SLC25A48: variants seen among roughly 807,000 people sequenced by gnomAD.
SLC25A48 encodes the protein CTC-321K16.1.
Under a neutral mutation model 32.2 loss-of-function variants are expected in SLC25A48, and 29 were observed. The ratio of observed to expected loss-of-function variants is 0.90; its 90% CI spans 0.67 to 1.23. SLC25A48 has a LOEUF of 1.23. Among genes scored for constraint, SLC25A48 ranks in the 50% most tolerant of loss-of-function variants. The pLI is 0.00. For synonymous variants in SLC25A48, 164 were observed against 172.3 expected, an observed-to-expected ratio of 0.95 and a Z score of 0.38; for missense variants, 399 against 422.7, an observed-to-expected ratio of 0.94 and a Z score of 0.49.
At chr5:135,733,651 T>C (rs2126994022) in intron 3 of SLC25A48, among the ~76,000 whole-genome samples, 1 of 152,084 alleles carries the variant, frequency 6.6e-6, no homozygotes, top group East Asian at 1.9e-4. Flanking sequence ...TAAGGTCAAG[T>C]TGTTTGGATA....
At chr5:135,699,467 A>G (rs994890645) in intron 3 of SLC25A48, among the ~76,000 whole-genome samples, 1 of 152,046 alleles carries the variant, frequency 6.6e-6, no homozygotes, top group African/African-American at 2.4e-5. Context: ...TTCCATTTAC[A>G]TGAAGTACTG....
chr5:135,822,084 C>T (rs1015440391), intron 4 of SLC25A48: 2 of 152,166 alleles, frequency 1.3e-5, no homozygotes. Flanking sequence ...GTGGGAGGGC[C>T]ACTGGTCCAC....
At chr5:135,630,933 C>A (rs1265312732) in intron 2 of SLC25A48, among the ~76,000 whole-genome samples, 1 of 152,012 alleles carries the variant, frequency 6.6e-6, no homozygotes, top group African/African-American at 2.4e-5. Context: ...TGAGCACATC[C>A]CAGGTACTTA....
In SLC25A48 at chr5:135,587,685, A is replaced by G. The variant is rs558478717; in HGVS notation, c.-849+8088A>G. On this transcript the variant is annotated intron_variant, in intron 1 of 10. Transcript: ENST00000646290. ...AGAAAACTTTTCAAGCAACCATCTGAGACATGTTGCAATTTTCTTTCTTAG... is the reference window on the plus strand; with the variant it reads ...AGAAAACTTTTCAAGCAACCATCTGGGACATGTTGCAATTTTCTTTCTTAG... 1.3e-3 allele frequency among the ~76,000 whole-genome samples: 205 copies of G among 152,318 alleles called. 1 individual carries two copies. Among genetic ancestry groups the G allele is most frequent in the African/African-American group, 4.8e-3 (201 of 41,588 alleles).
chr5:135,628,912 A>G (rs896446603), intron 1 of SLC25A48, among the ~76,000 whole-genome samples: 1 of 152,170 alleles, frequency 6.6e-6, no homozygotes, highest in Non-Finnish European at 1.5e-5. Flanking sequence ...CATGTCTCAG[A>G]CCCCTGAGGC....
At chr5:135,806,417 A>G (rs2126647358) in intron 3 of SLC25A48, among the ~76,000 whole-genome samples, 1 of 151,592 alleles carries the variant, frequency 6.6e-6, no homozygotes, top group Non-Finnish European at 1.5e-5. Flanking sequence ...TATTATAAAT[A>G]TCATGTATAT....
At chr5:135,797,777 A>G (rs1194685282) in intron 3 of SLC25A48, among the ~76,000 whole-genome samples, 3 of 151,762 alleles carry the variant, frequency 2.0e-5, no homozygotes, top group Non-Finnish European at 4.4e-5. Context: ...ATAACTCTCA[A>G]TATCTCAGGG....
chr5:135,789,036 G>A (rs1425264374), intron 3 of SLC25A48, among the ~76,000 whole-genome samples: 4 of 151,578 alleles, frequency 2.6e-5, no homozygotes, highest in African/African-American at 7.3e-5. Flanking sequence ...CCCATGTGTT[G>A]GGGGATGTAC....
chr5:135,627,590 G>GA (rs1752466461), intron 1 of SLC25A48, among the ~76,000 whole-genome samples: 1 of 152,034 alleles, frequency 6.6e-6, no homozygotes, highest in Non-Finnish European at 1.5e-5. Context: ...GTACTTCATG[G>GA]TTTTTTGACT....
chr5:135,809,989 C>T (rs1446570314), intron 3 of SLC25A48, among the ~76,000 whole-genome samples: 1 of 152,174 alleles, frequency 6.6e-6, no homozygotes, highest in African/African-American at 2.4e-5. Flanking sequence ...AGGCGCAGGC[C>T]ACTGTGCCCA....
At chr5:135,862,170 G>T (rs936304038) in intron 4 of SLC25A48, among the ~76,000 whole-genome samples, 1 of 152,262 alleles carries the variant, frequency 6.6e-6, no homozygotes, top group Non-Finnish European at 1.5e-5. Flanking sequence ...AGAAGTCAGG[G>T]CTGTGACCCT....
At chr5:135,769,255 A>G (rs1756333754) in intron 3 of SLC25A48, among the ~76,000 whole-genome samples, 1 of 48,218 alleles carries the variant, frequency 2.1e-5, no homozygotes, top group African/African-American at 5.1e-5. Context: ...TTTGTTTGCA[A>G]TATTGGGGGG....
intron 7 of SLC25A48, among the ~76,000 whole-genome samples, chr5:135,887,101 T>G (rs1001546357): frequency 6.6e-6 from 1 of 152,156 alleles, no homozygotes; most frequent in African/African-American, 2.4e-5. Flanking sequence ...AAACAGAATT[T>G]CAAAAATATT....
chr5:135,621,799 C>A (rs1027356789), intron 1 of SLC25A48, among the ~76,000 whole-genome samples: 3 of 152,054 alleles, frequency 2.0e-5, no homozygotes, highest in African/African-American at 7.2e-5. Flanking sequence ...CAAGCTCCAC[C>A]CCAGAGTACA....
chr5:135,723,378 T>TCACACACACACACACACACA lies in SLC25A48; in HGVS notation c.-521+88423_-521+88424insACACACACACACACACACAC, dbSNP rs1444066866. On this transcript the variant is annotated intron_variant, in intron 3 of 10. Coordinates refer to the SLC25A48 transcript ENST00000646290. ...CTGTCTCTCACTCTCTCTCTCTCTC[T>TCACACACACACACACACACA]CTCACACACACACACACACACACAC... Among the ~76,000 whole-genome samples the TCACACACACACACACACACA allele has an allele frequency of 9.0e-4, 49 of 54,400 alleles. 1 individual carries two copies. The highest frequency in any genetic ancestry group is 1.1e-3 in the Non-Finnish European group (19 of 17,370). 35.7% of individuals were successfully genotyped at this position (54,400 alleles called of 152,430 possible).
At chr5:135,675,892 A>G (rs1362498416) in intron 3 of SLC25A48, among the ~76,000 whole-genome samples, 1 of 152,004 alleles carries the variant, frequency 6.6e-6, no homozygotes, top group Non-Finnish European at 1.5e-5. Flanking sequence ...AGTGTTTTGT[A>G]GTTTTCCTTG....
chr5:135,711,508 G>T lies in SLC25A48; in HGVS notation c.-521+76552G>T, dbSNP rs367698215. 4.7e-4 allele frequency among the ~76,000 whole-genome samples: 72 copies of T among 152,280 alleles called. 1 individual carries two copies. The South Asian group carries it at 0.015, about 31-fold the overall frequency. ...CTTTTGGCCTCATGGGTATGCTGGT[G>T]GGTTCTCAGGAGTGCCATGTGATCT... On this transcript the variant is annotated intron_variant, in intron 3 of 10. Transcript: ENST00000646290.
At chr5:135,622,527 A>C (rs1205632847) in intron 1 of SLC25A48, among the ~76,000 whole-genome samples, 1 of 152,230 alleles carries the variant, frequency 6.6e-6, no homozygotes, top group Non-Finnish European at 1.5e-5. Context: ...TCATTAAATG[A>C]CATGAGAAAA....
rs751443068 is a variant in SLC25A48, at chr5:135,585,350, C to T, written c.-849+5753C>T. Among the ~76,000 whole-genome samples, 10 of 152,314 alleles carry T rather than the reference C, an allele frequency of 6.6e-5. No individual in the cohort carries two copies. The South Asian group carries it at 8.3e-4, about 13-fold the overall frequency. Reference sequence around the variant, plus strand: ...GCTTTCGTTTGCCTTCCTGAAACTGCGAAGATGTCATTTTACAGGGAAGCC... The same window carrying T: ...GCTTTCGTTTGCCTTCCTGAAACTGTGAAGATGTCATTTTACAGGGAAGCC... On this transcript the variant is annotated intron_variant, in intron 1 of 10. Transcript: ENST00000646290.
Sources: allele counts gnomAD v4.1 joint callset (sites outside exome capture counted in the v4.1 genomes callset), GRCh38; gene constraint gnomAD v4.1.1; transcripts MANE v1.5; gene names NCBI Gene and HGNC (gene_info 2026-07-23, HGNC 2026-07-21).